SMCO4: variants seen among roughly 807,000 people sequenced by gnomAD.
SMCO4 encodes the protein single-pass membrane and coiled-coil domain-containing protein 4.
In SMCO4, 4 loss-of-function variants were observed where a neutral mutation model predicts 3.6. That is an observed-to-expected ratio of 1.11 (90% CI 0.54 to 2.53). The LOEUF is 2.53. Among genes scored for constraint, SMCO4 ranks in the 30% most tolerant of loss-of-function variants. SMCO4 has a pLI of 0.02. For synonymous variants in SMCO4, 36 were observed against 35.3 expected (o/e 1.02, Z -0.07); for missense variants, 70 against 80.8 (o/e 0.87, Z 0.51).
At chr11:93,505,942 C>T (rs1329715801) in intron 1 of SMCO4, among the ~76,000 whole-genome samples, 2 of 152,022 alleles carry the variant, frequency 1.3e-5, no homozygotes, top group Admixed American at 6.6e-5. Context: ...AGACATGGTA[C>T]TTGGTGCTCC....
At chr11:93,493,746 C>T (rs747735202) in intron 2 of SMCO4, among the ~76,000 whole-genome samples, 11 of 152,206 alleles carry the variant, frequency 7.2e-5, no homozygotes, top group Non-Finnish European at 1.5e-4. Flanking sequence ...GCATCATGCA[C>T]GGCTGTTCTG....
chr11:93,505,919 G>A (rs1339276502), intron 1 of SMCO4, among the ~76,000 whole-genome samples: 1 of 152,118 alleles, frequency 6.6e-6, no homozygotes, highest in East Asian at 1.9e-4. Flanking sequence ...TTTAGCAAGT[G>A]ATTAGCTGTG....
At chr11:93,535,654 G>A (rs1949215661) in intron 1 of SMCO4, 16 of 1,604,364 alleles carry the variant, frequency 1.0e-5, no homozygotes, top group African/African-American at 1.3e-5. Flanking sequence ...AGCTACCGAT[G>A]GGAAAAAGAA....
chr11:93,495,505 T>C (rs1486692876), intron 2 of SMCO4, among the ~76,000 whole-genome samples: 3 of 152,094 alleles, frequency 2.0e-5, no homozygotes, highest in African/African-American at 2.4e-5. Flanking sequence ...GGCTTCAAGA[T>C]AGGAAAAACA....
intron 1 of SMCO4, among the ~76,000 whole-genome samples, chr11:93,511,400 C>G (rs1280501623): frequency 1.3e-5 from 2 of 152,034 alleles, no homozygotes; most frequent in Non-Finnish European, 2.9e-5. Flanking sequence ...CCTCAAATAG[C>G]ATCATTGCAT....
intron 1 of SMCO4, among the ~76,000 whole-genome samples, chr11:93,514,419 T>TATATAG: frequency 2.3e-5 from 1 of 42,570 alleles, no homozygotes; most frequent in African/African-American, 7.3e-5. Context: ...TATATATATA[T>TATATAG]ATAAAATTTG....
intron 1 of SMCO4, chr11:93,537,993 C>T (rs765789009): frequency 2.0e-5 from 3 of 152,560 alleles, no homozygotes; most frequent in Non-Finnish European, 2.9e-5. Context: ...AGCACAAACT[C>T]TCAGAAGGGC....
chr11:93,490,657 T>A (rs142844474), intron 2 of SMCO4, among the ~76,000 whole-genome samples: 78 of 152,326 alleles, frequency 5.1e-4, no homozygotes, highest in African/African-American at 1.8e-3. Context: ...TCGCAATGGT[T>A]AAATGGCCCA....
chr11:93,480,569 T>C (rs2124558), intron 2 of SMCO4, among the ~76,000 whole-genome samples: 48,726 of 152,086 alleles, frequency 0.32, 8,146 homozygotes, highest in East Asian at 0.48. Context: ...CAAAGGCAGA[T>C]GTCCATTACA....
chr11:93,533,661 C>G (rs1017705492), intron 1 of SMCO4, among the ~76,000 whole-genome samples: 1 of 152,106 alleles, frequency 6.6e-6, no homozygotes, highest in Admixed American at 6.5e-5. Flanking sequence ...CTGATGTGCA[C>G]AAAGGAGGGG....
intron 2 of SMCO4, among the ~76,000 whole-genome samples, chr11:93,498,336 A>AG (rs1236360694): frequency 6.6e-6 from 1 of 152,230 alleles, no homozygotes; most frequent in African/African-American, 2.4e-5. Flanking sequence ...GGTTGGGGGC[A>AG]GGGAGGTGGG....
intron 2 of SMCO4, among the ~76,000 whole-genome samples, chr11:93,497,652 T>C (rs373077894): frequency 9.9e-5 from 15 of 151,662 alleles, no homozygotes; most frequent in African/African-American, 3.1e-4. Context: ...CAAGATCAGA[T>C]GGTTGGGGGG....
At chr11:93,523,899 G>A (rs1413798838) in intron 1 of SMCO4, among the ~76,000 whole-genome samples, 1 of 152,160 alleles carries the variant, frequency 6.6e-6, no homozygotes, top group African/African-American at 2.4e-5. Flanking sequence ...GCATATATCA[G>A]CACCCCATTC....
chr11:93,522,160 G>A (rs1197096612), intron 1 of SMCO4, among the ~76,000 whole-genome samples: 14 of 152,262 alleles, frequency 9.2e-5, no homozygotes, highest in South Asian at 4.1e-4. Flanking sequence ...TTGGGCTATC[G>A]GGTTAATTGG....
chr11:93,539,946 A>G (rs1463861870), intron 1 of SMCO4, among the ~76,000 whole-genome samples: 1 of 151,290 alleles, frequency 6.6e-6, no homozygotes, highest in Non-Finnish European at 1.5e-5. Context: ...TCCCTGTCCA[A>G]CAAAATTAAT....
chr11:93,490,907 C>T, intron 2 of SMCO4, among the ~76,000 whole-genome samples: 1 of 152,198 alleles, frequency 6.6e-6, no homozygotes, highest in South Asian at 2.1e-4. Context: ...GAAATCATAT[C>T]AAACAGATGG....
At chr11:93,527,317 C>A (rs185645114) in intron 1 of SMCO4, among the ~76,000 whole-genome samples, 1 of 152,270 alleles carries the variant, frequency 6.6e-6, no homozygotes, top group Admixed American at 6.5e-5. Flanking sequence ...GCCTCTGAAG[C>A]TGACTAGCTC....
At chr11:93,551,118 T>G in the SMCO4 span, among the ~76,000 whole-genome samples, 1 of 152,186 alleles carries the variant, frequency 6.6e-6, no homozygotes, top group East Asian at 1.9e-4. Flanking sequence ...AAAAGACATA[T>G]ACTCCTTTCC....
At chr11:93,520,366 T>C (rs1477822866) in intron 1 of SMCO4, among the ~76,000 whole-genome samples, 2 of 152,208 alleles carry the variant, frequency 1.3e-5, no homozygotes, top group African/African-American at 4.8e-5. Flanking sequence ...TTGAGGGTTT[T>C]ACATGTTACC....
Sources: allele counts gnomAD v4.1 joint callset (sites outside exome capture counted in the v4.1 genomes callset), GRCh38; gene constraint gnomAD v4.1.1; transcripts MANE v1.5; gene names NCBI Gene and HGNC (gene_info 2026-07-23, HGNC 2026-07-21).